Variants in CSMD1 observed in about 807,000 individuals in gnomAD.
The protein encoded by CSMD1 is CUB and Sushi multiple domains 1.
CSMD1 carries 213 observed loss-of-function variants against 417.5 expected under a neutral mutation model. The ratio of observed to expected loss-of-function variants is 0.51; its 90% CI spans 0.46 to 0.57. The LOEUF (loss-of-function observed/expected upper bound fraction) is 0.57, where lower values mean the gene tolerates loss of function less well. Among genes scored for constraint, CSMD1 ranks in the 20% least tolerant of loss-of-function variants. The probability of loss-of-function intolerance (pLI) is 0.00; values close to 1 mark genes in which losing one functional copy is unlikely to be tolerated. For synonymous variants in CSMD1, 2,862 were observed against 1,736.8 expected (o/e 1.65, Z -16.11); for missense variants, 6,923 against 4,529.7 (o/e 1.53, Z -15.17).
chr8:3,117,066 T>A (rs1585392922), intron 42 of CSMD1, among the ~76,000 whole-genome samples: 1 of 152,192 alleles, frequency 6.6e-6, no homozygotes, highest in Admixed American at 6.5e-5. Context: ...AGTTATTTTT[T>A]ATTTTATTTA....
intron 23 of CSMD1, among the ~76,000 whole-genome samples, chr8:3,309,722 G>C (rs1003463006): frequency 5.3e-5 from 8 of 152,158 alleles, no homozygotes; most frequent in Non-Finnish European, 1.2e-4. Flanking sequence ...ATTAAATTTT[G>C]AAATGAATTT....
At chr8:3,875,787 T>C (rs1490223253) in intron 5 of CSMD1, among the ~76,000 whole-genome samples, 2 of 152,066 alleles carry the variant, frequency 1.3e-5, no homozygotes, top group African/African-American at 4.8e-5. Flanking sequence ...AGCTTTGTGG[T>C]AAAGGGAAGG....
chr8:4,926,851 A>G (rs775771005), intron 1 of CSMD1, among the ~76,000 whole-genome samples: 2 of 152,140 alleles, frequency 1.3e-5, no homozygotes, highest in Admixed American at 6.5e-5. Flanking sequence ...ATAGTTTGCT[A>G]TCAATGAACT....
intron 3 of CSMD1, among the ~76,000 whole-genome samples, chr8:4,320,762 G>A (rs529857875): frequency 1.3e-4 from 20 of 152,090 alleles, no homozygotes; most frequent in East Asian, 7.7e-4. Context: ...TATCATTGAC[G>A]GGCATTTGGA....
At chr8:3,344,104 C>A (rs113764311) in intron 22 of CSMD1, among the ~76,000 whole-genome samples, 6 of 152,050 alleles carry the variant, frequency 3.9e-5, no homozygotes, top group African/African-American at 9.7e-5. Context: ...AATAAGTATA[C>A]GGAAGATAAG....
chr8:4,041,277 A>G (rs1026786534), intron 3 of CSMD1, among the ~76,000 whole-genome samples: 3 of 140,172 alleles, frequency 2.1e-5, no homozygotes, highest in Admixed American at 7.3e-5. Flanking sequence ...TCGGCCTCCC[A>G]AAGTACGGGG....
intron 40 of CSMD1, among the ~76,000 whole-genome samples, chr8:3,147,263 T>C (rs1488018722): frequency 6.6e-6 from 1 of 152,226 alleles, no homozygotes; most frequent in Non-Finnish European, 1.5e-5. Context: ...GTCATGCTGT[T>C]TGTTTCATAC....
chr8:4,469,421 A>C (rs1030397775), intron 2 of CSMD1, among the ~76,000 whole-genome samples: 4 of 152,222 alleles, frequency 2.6e-5, no homozygotes, highest in African/African-American at 9.6e-5. Flanking sequence ...TCAGATTACA[A>C]GTATCATCTG....
chr8:4,400,070 C>T (rs886762490), intron 3 of CSMD1, among the ~76,000 whole-genome samples: 2 of 151,998 alleles, frequency 1.3e-5, no homozygotes, highest in African/African-American at 4.8e-5. Flanking sequence ...ATCAGCATGC[C>T]AAAAGAGAGA....
At chr8:3,549,844 C>T (rs1798833433) in intron 10 of CSMD1, among the ~76,000 whole-genome samples, 1 of 152,160 alleles carries the variant, frequency 6.6e-6, no homozygotes, top group African/African-American at 2.4e-5. Context: ...TATTCTGTTA[C>T]AAGCAACAGA....
chr8:3,742,769 CA>C (rs1034956460), intron 6 of CSMD1, among the ~76,000 whole-genome samples: 2 of 152,008 alleles, frequency 1.3e-5, no homozygotes, highest in Non-Finnish European at 2.9e-5. Context: ...CGAAACGAAA[CA>C]AAAACACCAA....
intron 10 of CSMD1, among the ~76,000 whole-genome samples, chr8:3,523,850 C>G (rs998810578): frequency 6.7e-5 from 10 of 149,026 alleles, no homozygotes; most frequent in Non-Finnish European, 1.2e-4. Context: ...GACACATGTG[C>G]ATGCGCATGC....
intron 57 of CSMD1, among the ~76,000 whole-genome samples, chr8:2,969,831 T>C (rs1804288257): frequency 6.6e-6 from 1 of 152,218 alleles, no homozygotes; most frequent in Admixed American, 6.5e-5. Flanking sequence ...CAGTCACTGA[T>C]TTTATGACTT....
intron 1 of CSMD1, among the ~76,000 whole-genome samples, chr8:4,698,448 C>T (rs1807278602): frequency 6.6e-6 from 1 of 152,116 alleles, no homozygotes; most frequent in African/African-American, 2.4e-5. Context: ...GATTCGCAAA[C>T]TTTCATGCTT....
chr8:4,587,748 G>A (rs975130213), intron 2 of CSMD1, among the ~76,000 whole-genome samples: 4 of 152,160 alleles, frequency 2.6e-5, no homozygotes, highest in East Asian at 3.9e-4. Context: ...TTAAGACTTT[G>A]CATTTATAGT....
chr8:3,453,050 G>T (rs571824295), intron 12 of CSMD1, among the ~76,000 whole-genome samples: 1 of 152,194 alleles, frequency 6.6e-6, no homozygotes, highest in East Asian at 1.9e-4. Context: ...TCTTGGGAGA[G>T]TGTATGTGTC....
At chr8:3,642,076 G>A (rs1045221582) in intron 7 of CSMD1, among the ~76,000 whole-genome samples, 2 of 151,912 alleles carry the variant, frequency 1.3e-5, no homozygotes, top group African/African-American at 4.8e-5. Flanking sequence ...ATACACTGAG[G>A]GCAAAGGATA....
At chr8:4,481,473 A>C (rs1199974205) in intron 2 of CSMD1, among the ~76,000 whole-genome samples, 4 of 152,222 alleles carry the variant, frequency 2.6e-5, no homozygotes, top group African/African-American at 9.6e-5. Context: ...TGTGTTCAGC[A>C]TGGGAAGGCA....
chr8:3,553,558 A>T (rs1056849705), intron 10 of CSMD1, among the ~76,000 whole-genome samples: 4 of 152,234 alleles, frequency 2.6e-5, no homozygotes, highest in Non-Finnish European at 4.4e-5. Context: ...TGGAATATCC[A>T]ACAATTACAG....
Sources: allele counts gnomAD v4.1 joint callset (sites outside exome capture counted in the v4.1 genomes callset), GRCh38; gene constraint gnomAD v4.1.1; transcripts MANE v1.5; gene names NCBI Gene and HGNC (gene_info 2026-07-23, HGNC 2026-07-21).